Variants in CHODL observed in about 807,000 individuals in gnomAD.
CHODL encodes chondrolectin, also known as transmembrane protein MT75.
CHODL carries 29 observed loss-of-function variants against 34.5 expected under a neutral mutation model. The ratio of observed to expected loss-of-function variants is 0.84; its 90% CI spans 0.63 to 1.15. The LOEUF is 1.15. CHODL is among the 50% of genes most tolerant of loss of function. The pLI is 0.00. For synonymous variants in CHODL, 125 were observed against 116.1 expected (o/e 1.08, Z -0.49); for missense variants, 332 against 332.5 (o/e 1.00, Z 0.01).
chr21:17,925,465 G>T (rs570017633), intron 1 of CHODL, among the ~76,000 whole-genome samples: 55 of 152,234 alleles, frequency 3.6e-4, no homozygotes, highest in African/African-American at 1.3e-3. Context: ...AAATAGGAAA[G>T]AATTAAATAA....
At chr21:17,956,209 A>G (rs197538) in intron 1 of CHODL, among the ~76,000 whole-genome samples, 76,594 of 133,752 alleles carry the variant, frequency 0.57, 28,028 homozygotes, top group East Asian at 0.89. Flanking sequence ...CATCTCCTTG[A>G]TGACAAGTGA....
intron 2 of CHODL, among the ~76,000 whole-genome samples, chr21:18,059,997 C>CG (rs2064637862): frequency 1.3e-5 from 2 of 152,224 alleles, no homozygotes; most frequent in African/African-American, 4.8e-5. Context: ...CTTTTACTTT[C>CG]TTAAGATTTT....
chr21:18,067,094 G>C (rs2064741259), intron 2 of CHODL, among the ~76,000 whole-genome samples: 1 of 152,220 alleles, frequency 6.6e-6, no homozygotes, highest in Admixed American at 6.5e-5. Flanking sequence ...TTTTATGCCA[G>C]ATGGTGTGAG....
rs549566745 is a variant in CHODL at position 18,267,322 on chromosome 21, T to C, written c.*1284T>C. 6.6e-6 allele frequency: 1 copy of C among 152,352 alleles called. No individual in the cohort carries two copies. The highest frequency in any genetic ancestry group is 1.9e-4 in the East Asian group (1 of 5,188). The allele number at this position is 152,352 out of a possible 1,614,324, so 9.4% of individuals were successfully genotyped here. A position where few individuals can be genotyped will look rare whatever the true frequency, so the allele number is the denominator to read the frequency against. On this transcript the variant is annotated 3_prime_UTR_variant, in exon 6 of 6. Coordinates refer to ENST00000299295, the MANE Select transcript of CHODL (RefSeq NM_024944.3). ...AAGTTGTAACTCTCTGGTCTTCATA[T>C]GTCCCTGTGCTCCTTTTAACCAAAT...
At chr21:17,918,064 C>T (rs1212885553) in intron 1 of CHODL, among the ~76,000 whole-genome samples, 1 of 151,792 alleles carries the variant, frequency 6.6e-6, no homozygotes, top group Non-Finnish European at 1.5e-5. Context: ...GCTCCTGAAA[C>T]AAGACAGGTT....
chr21:18,229,371 T>C (rs916359539), intron 2 of CHODL, among the ~76,000 whole-genome samples: 5 of 152,136 alleles, frequency 3.3e-5, no homozygotes, highest in African/African-American at 1.2e-4. Flanking sequence ...GAGGCATCTC[T>C]TCTCCAGGCC....
intron 2 of CHODL, among the ~76,000 whole-genome samples, chr21:18,052,858 T>C (rs2146471287): frequency 6.6e-6 from 1 of 151,172 alleles, no homozygotes; most frequent in South Asian, 2.1e-4. Context: ...TCAGGCTAAC[T>C]ATTCTGGCTG....
intron 2 of CHODL, among the ~76,000 whole-genome samples, chr21:18,089,256 A>C (rs1034873655): frequency 3.3e-5 from 5 of 152,120 alleles, no homozygotes; most frequent in Admixed American, 2.6e-4. Context: ...CTCTCTAGCT[A>C]TCCTGCCTCT....
chr21:18,061,873 T>C (rs2064671017), intron 2 of CHODL, among the ~76,000 whole-genome samples: 1 of 152,158 alleles, frequency 6.6e-6, no homozygotes. Flanking sequence ...TCAGCAGCTG[T>C]GTAAGTGAGT....
Position 18,233,675 on chromosome 21 carries a change from C to CT in CHODL, c.-44-22827dup, listed in dbSNP as rs34696204. ...AAACACCGGAGCCAATATTTGGGGC[C>CT]TTTTTTTAAAAAAAATAAGATAATT... On this transcript the variant is annotated intron_variant, in intron 2 of 6. Transcript: ENST00000400127. Among the ~76,000 whole-genome samples the CT allele has an allele frequency of 1.3e-4, 19 of 151,884 alleles. No homozygotes were observed. The East Asian group carries it at 2.7e-3, about 22-fold the overall frequency.
At position 17,932,376 on chromosome 21, in the gene CHODL, C is replaced by T. The variant is rs1165462173; in HGVS notation, c.-145+14976C>T. Among the ~76,000 whole-genome samples, 6 of 152,284 alleles carry T rather than the reference C, an allele frequency of 3.9e-5. No homozygotes were observed. In the East Asian group the frequency reaches 1.2e-3, roughly 29 times the overall value. On this transcript the variant is annotated intron_variant, in intron 1 of 6. Coordinates refer to the CHODL transcript ENST00000400127. ...TTTGTGGGAATGTAAATTAGTACAA[C>T]CTCTGTGGAAGACAGGATGGGTATT...
chr21:18,098,413 T>A (rs2065167603), intron 2 of CHODL, among the ~76,000 whole-genome samples: 1 of 151,804 alleles, frequency 6.6e-6, no homozygotes. Flanking sequence ...TAAATAGAAA[T>A]TTTTCAAAAA....
At chr21:18,165,418 A>G (rs968229844) in intron 2 of CHODL, among the ~76,000 whole-genome samples, 2 of 152,322 alleles carry the variant, frequency 1.3e-5, no homozygotes, top group Admixed American at 6.5e-5. Flanking sequence ...TTTATTATAC[A>G]TTCTGGTATC....
chr21:18,145,211 C>A (rs942774539), intron 2 of CHODL, among the ~76,000 whole-genome samples: 2 of 149,806 alleles, frequency 1.3e-5, no homozygotes, highest in African/African-American at 2.4e-5. Context: ...CCGAGACTGG[C>A]GGATCATGAG....
intron 1 of CHODL, among the ~76,000 whole-genome samples, chr21:17,928,505 T>C (rs968961103): frequency 2.6e-5 from 4 of 152,156 alleles, no homozygotes; most frequent in Non-Finnish European, 4.4e-5. Flanking sequence ...ATAACAGCTG[T>C]ATAAAGATGT....
chr21:18,223,110 A>G (rs1286289280), intron 2 of CHODL, among the ~76,000 whole-genome samples: 1 of 152,214 alleles, frequency 6.6e-6, no homozygotes, highest in Non-Finnish European at 1.5e-5. Context: ...ACTAGGAGGT[A>G]TGTAATAACA....
intron 2 of CHODL, among the ~76,000 whole-genome samples, chr21:18,028,277 CCCTTCCTT>C (rs1555853374): frequency 0.011 from 1,088 of 98,978 alleles, 18 homozygotes; most frequent in East Asian, 0.038. Flanking sequence ...TTTCCTTTTC[CCCTTCCTT>C]CCTTCCTTCC....
At chr21:18,264,118 T>C (rs2074417212) in intron 5 of CHODL, among the ~76,000 whole-genome samples, 1 of 152,110 alleles carries the variant, frequency 6.6e-6, no homozygotes, top group South Asian at 2.1e-4. Context: ...AGGGTAATGG[T>C]CAGGTGTGTT....
chr21:18,261,095 G>A (rs2074376831), intron 4 of CHODL, among the ~76,000 whole-genome samples: 1 of 152,116 alleles, frequency 6.6e-6, no homozygotes, highest in African/African-American at 2.4e-5. Context: ...ATGAAGTGAT[G>A]CGCAGTTAAA....
Sources: allele counts gnomAD v4.1 joint callset (sites outside exome capture counted in the v4.1 genomes callset), GRCh38; gene constraint gnomAD v4.1.1; transcripts MANE v1.5; gene names NCBI Gene and HGNC (gene_info 2026-07-23, HGNC 2026-07-21).